The following PDE1A variants were observed in gnomAD, a reference collection of about 807,000 sequenced individuals.
The protein encoded by PDE1A is phosphodiesterase 1A.
A neutral mutation model predicts 61.7 loss-of-function variants in PDE1A; 35 were observed. The observed-to-expected ratio is 0.57, with a 90% confidence interval of 0.43 to 0.75. The LOEUF is 0.75. PDE1A is among the 30% of genes least tolerant of loss of function. The pLI is 0.00. For synonymous variants in PDE1A, 232 were observed against 213.2 expected, an observed-to-expected ratio of 1.09 and a Z score of -0.77; for missense variants, 597 against 630.6, an observed-to-expected ratio of 0.95 and a Z score of 0.57.
intron 1 of PDE1A, among the ~76,000 whole-genome samples, chr2:182,347,063 C>A (rs1188036806): frequency 6.6e-6 from 1 of 151,968 alleles, no homozygotes; most frequent in African/African-American, 2.4e-5. Flanking sequence ...TAAGACAGAC[C>A]CGATGGTCAA....
chr2:182,200,963 G>C (rs1468993236), intron 10 of PDE1A, among the ~76,000 whole-genome samples: 1 of 152,168 alleles, frequency 6.6e-6, no homozygotes, highest in African/African-American at 2.4e-5. Flanking sequence ...ATCCGGGCTT[G>C]TTTCTGACGT....
chr2:182,169,318 C>T (rs552792955), intron 13 of PDE1A, among the ~76,000 whole-genome samples: 3 of 151,956 alleles, frequency 2.0e-5, no homozygotes, highest in African/African-American at 7.2e-5. Flanking sequence ...AACATAAATG[C>T]TGAAAGTTAT....
chr2:182,663,826 T>C, the PDE1A span, among the ~76,000 whole-genome samples: 3 of 150,764 alleles, frequency 2.0e-5, no homozygotes, highest in African/African-American at 7.3e-5. Context: ...AACTTAAAAG[T>C]TAAAAAAAAA....
the PDE1A span, among the ~76,000 whole-genome samples, chr2:182,660,542 A>C: frequency 6.6e-6 from 1 of 152,234 alleles, no homozygotes; most frequent in Non-Finnish European, 1.5e-5. Context: ...AGTAAATCAA[A>C]AGGTAGGTTA....
At chr2:182,552,474 TCG>T in the PDE1A span, among the ~76,000 whole-genome samples, 1 of 126,182 alleles carries the variant, frequency 7.9e-6, no homozygotes, top group Admixed American at 8.2e-5. Flanking sequence ...AAACAGAGTG[TCG>T]CTCTGTCACC....
chr2:182,564,124 T>G, the PDE1A span, among the ~76,000 whole-genome samples: 1 of 152,230 alleles, frequency 6.6e-6, no homozygotes, highest in Non-Finnish European at 1.5e-5. Flanking sequence ...TTTTGCTCGT[T>G]AGTTGATGCA....
At chr2:182,318,041 C>T (rs1382404211) in intron 1 of PDE1A, among the ~76,000 whole-genome samples, 1 of 152,034 alleles carries the variant, frequency 6.6e-6, no homozygotes, top group African/African-American at 2.4e-5. Context: ...ATACAACAAG[C>T]CAGGCTGATA....
intron 13 of PDE1A, among the ~76,000 whole-genome samples, chr2:182,150,062 G>A (rs888373251): frequency 1.3e-5 from 2 of 152,114 alleles, no homozygotes; most frequent in Admixed American, 6.5e-5. Flanking sequence ...TTGAAATAGT[G>A]ATATAAAATG....
intron 8 of PDE1A, among the ~76,000 whole-genome samples, chr2:182,202,751 C>CACTGTAAAT (rs1686770584): frequency 6.6e-6 from 1 of 152,186 alleles, no homozygotes; most frequent in Admixed American, 6.5e-5. Flanking sequence ...TTAACCAAGG[C>CACTGTAAAT]ACTGTAAATA....
intron 13 of PDE1A, among the ~76,000 whole-genome samples, chr2:182,153,093 C>T (rs773196512): frequency 1.1e-4 from 16 of 152,110 alleles, no homozygotes; most frequent in Non-Finnish European, 2.2e-4. Context: ...GAGAGTTTTA[C>T]AGGTGATCTA....
At chr2:182,261,481 G>A (rs1417094002) in intron 2 of PDE1A, among the ~76,000 whole-genome samples, 1 of 152,086 alleles carries the variant, frequency 6.6e-6, no homozygotes, top group Non-Finnish European at 1.5e-5. Flanking sequence ...TGCCATGGAA[G>A]CATTATAATA....
chr2:182,310,307 T>G (rs1193842331), intron 1 of PDE1A, among the ~76,000 whole-genome samples: 1 of 152,128 alleles, frequency 6.6e-6, no homozygotes, highest in Non-Finnish European at 1.5e-5. Flanking sequence ...TATCTTCTCT[T>G]TAGAGGAGAA....
At chr2:182,681,573 A>AT in the PDE1A span, among the ~76,000 whole-genome samples, 3 of 80,196 alleles carry the variant, frequency 3.7e-5, no homozygotes, top group African/African-American at 1.7e-4. Flanking sequence ...GCACCTCTAA[A>AT]TTAAAAAAAA....
intron 13 of PDE1A, among the ~76,000 whole-genome samples, chr2:182,173,579 T>C (rs1692443030): frequency 6.6e-6 from 1 of 151,442 alleles, no homozygotes; most frequent in African/African-American, 2.4e-5. Flanking sequence ...AATTTACTAA[T>C]AATTTAAAAT....
chr2:182,568,886 T>C, the PDE1A span, among the ~76,000 whole-genome samples: 1 of 152,218 alleles, frequency 6.6e-6, no homozygotes, highest in African/African-American at 2.4e-5. Context: ...ACACCTGTAA[T>C]GTTTTAAGAG....
At chr2:182,168,595 T>C (rs1291058485) in intron 13 of PDE1A, among the ~76,000 whole-genome samples, 1 of 152,118 alleles carries the variant, frequency 6.6e-6, no homozygotes, top group Non-Finnish European at 1.5e-5. Context: ...AGTCCAACTC[T>C]AGTTGTTATC....
chr2:182,210,831 G>C (rs2368277), intron 7 of PDE1A, among the ~76,000 whole-genome samples: 2 of 151,688 alleles, frequency 1.3e-5, no homozygotes, highest in African/African-American at 2.4e-5. Flanking sequence ...ATTTTGTAAA[G>C]GGTATAAGGC....
chr2:182,429,918 C>G (rs527948592), upstream of PDE1A, among the ~76,000 whole-genome samples: 1 of 152,234 alleles, frequency 6.6e-6, no homozygotes, highest in Admixed American at 6.5e-5. Flanking sequence ...TCAGTTTAAG[C>G]ACGTAAGTCT....
At chr2:182,648,612 G>A in the PDE1A span, among the ~76,000 whole-genome samples, 1 of 150,228 alleles carries the variant, frequency 6.7e-6, no homozygotes, top group Non-Finnish European at 1.5e-5. Flanking sequence ...GAGGGAGGAG[G>A]ATCACTTGAT....
Sources: allele counts gnomAD v4.1 joint callset (sites outside exome capture counted in the v4.1 genomes callset), GRCh38; gene constraint gnomAD v4.1.1; transcripts MANE v1.5; gene names NCBI Gene and HGNC (gene_info 2026-07-23, HGNC 2026-07-21).